The following A1CF variants were observed in gnomAD, a reference collection of about 807,000 sequenced individuals.
A1CF encodes the protein APOBEC-1 stimulating protein.
A neutral mutation model predicts 68.9 loss-of-function variants in A1CF; 48 were observed. That is an observed-to-expected ratio of 0.70 (90% CI 0.55 to 0.89). The LOEUF (loss-of-function observed/expected upper bound fraction) is 0.89. Among genes scored for constraint, A1CF ranks in the 40% least tolerant of loss-of-function variants. The pLI, the probability that A1CF is intolerant of heterozygous loss-of-function variation, is 0.00. For missense variants in A1CF, 653 were observed against 718.9 expected, an observed-to-expected ratio of 0.91 and a Z score of 1.05; for synonymous variants, 272 against 260.4, an observed-to-expected ratio of 1.04 and a Z score of -0.43.
chr10:50,820,529 T>A, intron 8 of A1CF, 23 bp downstream of exon 8: 1 of 1,605,532 alleles, frequency 6.2e-7, no homozygotes. Context: ...AATCTGCATA[T>A]TTTTTTCTTT....
chr10:50,820,705 G>T, intron 7 of A1CF, 56 bp from the exon 8 acceptor site: 1 of 1,458,642 alleles, frequency 6.9e-7, no homozygotes. Context: ...CCTTGAAAGT[G>T]ATATATTTTA....
intron 1 of A1CF, among the ~76,000 whole-genome samples, chr10:50,868,907 T>C (rs1438953263): frequency 6.6e-6 from 1 of 152,158 alleles, no homozygotes; most frequent in Non-Finnish European, 1.5e-5. Context: ...ATACCATATG[T>C]TCTCACATAT....
At chr10:50,836,675 G>A (rs1410521118) in intron 5 of A1CF, among the ~76,000 whole-genome samples, 2 of 144,366 alleles carry the variant, frequency 1.4e-5, no homozygotes, top group African/African-American at 2.6e-5. Context: ...ATCTCCTAAT[G>A]CTATCCCTCC....
intron 6 of A1CF, among the ~76,000 whole-genome samples, chr10:50,833,866 G>T (rs1016333609): frequency 6.6e-6 from 1 of 152,146 alleles, no homozygotes; most frequent in Admixed American, 6.6e-5. Context: ...ATCCAGCTGA[G>T]TGAAATCCAC....
Position 50,802,379 on chromosome 10 carries a change from T to C in A1CF, c.*4350A>G, listed in dbSNP as rs769767018. On this transcript the variant is annotated 3_prime_UTR_variant, in exon 13 of 13. Coordinates refer to ENST00000373997, the MANE Select transcript of A1CF (RefSeq NM_014576.4). ...TTTACTGCCTAGTTTCTTCCTGTCT[T>C]CCAATAAGTATATACAAAATCTTAA... 5 of 152,206 alleles carry C rather than the reference T, an allele frequency of 3.3e-5. No homozygotes were observed. Among genetic ancestry groups the C allele is most frequent in the Non-Finnish European group, 5.9e-5 (4 of 68,018 alleles). 9.4% of individuals were successfully genotyped at this position (152,206 alleles called of 1,614,324 possible). A position where few individuals can be genotyped will look rare whatever the true frequency, so the allele number is the denominator to read the frequency against.
At chr10:50,874,130 G>C (rs1291268529) in intron 1 of A1CF, among the ~76,000 whole-genome samples, 1 of 152,040 alleles carries the variant, frequency 6.6e-6, no homozygotes, top group East Asian at 1.9e-4. Flanking sequence ...CTCATTAAAG[G>C]AAAAATGTTA....
intron 8 of A1CF, among the ~76,000 whole-genome samples, chr10:50,820,082 A>G (rs1838575710): frequency 1.3e-5 from 2 of 152,210 alleles, no homozygotes; most frequent in South Asian, 4.1e-4. Flanking sequence ...GTGAGGATAT[A>G]GAAGCTTCCC....
Position 50,825,290 on chromosome 10 carries a change from A to G in A1CF, c.769+2841T>C, listed in dbSNP as rs576258757. On this transcript the variant is annotated intron_variant, in intron 7 of 12. Coordinates refer to ENST00000373997, the MANE Select transcript of A1CF (RefSeq NM_014576.4). ...GAGACTGGGAAATTCTCAGTTATGAAAGGATATTACTACTATGATAACCCT... is the reference window on the plus strand; with the variant it reads ...GAGACTGGGAAATTCTCAGTTATGAGAGGATATTACTACTATGATAACCCT... 9.9e-5 allele frequency among the ~76,000 whole-genome samples: 15 copies of G among 152,238 alleles called. No individual in the cohort carries two copies. In the South Asian group the frequency reaches 3.1e-3, roughly 32 times the overall value.
intron 2 of A1CF, chr10:50,862,986 A>G (rs1840814919): frequency 1.3e-5 from 2 of 152,208 alleles, no homozygotes; most frequent in Admixed American, 6.5e-5. Flanking sequence ...GTCATGCTGA[A>G]ATGACAAGTT....
At chr10:50,832,109 C>T (rs1839273617) in intron 6 of A1CF, among the ~76,000 whole-genome samples, 1 of 152,200 alleles carries the variant, frequency 6.6e-6, no homozygotes, top group Non-Finnish European at 1.5e-5. Context: ...GAGATTCCTG[C>T]ATTCCCATGT....
At chr10:50,882,238 C>A (rs1004504351) in intron 1 of A1CF, among the ~76,000 whole-genome samples, 4 of 151,962 alleles carry the variant, frequency 2.6e-5, no homozygotes, top group Non-Finnish European at 5.9e-5. Context: ...GAGTTCGAGA[C>A]CAGCCTAGCC....
chr10:50,848,152 G>A (rs2132477978), intron 3 of A1CF, among the ~76,000 whole-genome samples: 1 of 152,172 alleles, frequency 6.6e-6, no homozygotes, highest in South Asian at 2.1e-4. Flanking sequence ...GGAATCCAAG[G>A]CATAAAATAT....
chr10:50,836,937 C>A (rs1371105252), intron 5 of A1CF, among the ~76,000 whole-genome samples: 1 of 152,028 alleles, frequency 6.6e-6, no homozygotes, highest in Non-Finnish European at 1.5e-5. Context: ...AGTTGTCAAT[C>A]CTCACCGCTC....
chr10:50,866,721 C>G (rs1293385075), intron 1 of A1CF, among the ~76,000 whole-genome samples: 1 of 152,096 alleles, frequency 6.6e-6, no homozygotes, highest in Non-Finnish European at 1.5e-5. Flanking sequence ...CATGAAGAAC[C>G]AAGTCATGGA....
intron 3 of A1CF, chr10:50,850,697 G>A (rs1008541009): frequency 3.1e-6 from 5 of 1,613,922 alleles, no homozygotes; most frequent in Non-Finnish European, 3.4e-6. Context: ...ATGATGGACT[G>A]CAAAGCATTA....
chr10:50,878,891 G>A (rs1564538268), intron 1 of A1CF, among the ~76,000 whole-genome samples: 1 of 152,148 alleles, frequency 6.6e-6, no homozygotes, highest in East Asian at 1.9e-4. Flanking sequence ...TCTTTAATAA[G>A]TTAATTCCTT....
At chr10:50,853,078 T>C (rs985770352) in intron 3 of A1CF, among the ~76,000 whole-genome samples, 1 of 152,012 alleles carries the variant, frequency 6.6e-6, no homozygotes, top group Non-Finnish European at 1.5e-5. Context: ...AGAATGCATA[T>C]AAAGGAAAGT....
rs1337184843 is a variant in A1CF at position 50,836,077 on chromosome 10, G to C, written c.601C>G (p.Pro201Ala). ...CTTTGAGGAGGGGATTGCTAACCTG[G>C]TAGCAGTTTCCTCCTCGCCATGGCA... is the stretch of plus-strand genomic sequence containing the variant. ...AAAMARRKLL[P>A]GRIQLWGHGI... Residue 201 changes from proline (P) to alanine (A), a missense_variant, in exon 6 of 13, where the codon CCA becomes GCA. By Grantham distance (27) the Pro-to-Ala change is conservative. Coordinates refer to ENST00000373997, the MANE Select transcript of A1CF (RefSeq NM_014576.4). 6.2e-7 allele frequency: 1 copy of C among 1,605,352 alleles called. No homozygotes were observed.
intron 5 of A1CF, among the ~76,000 whole-genome samples, chr10:50,839,419 C>G (rs1589003839): frequency 6.6e-6 from 1 of 152,280 alleles, no homozygotes; most frequent in Admixed American, 6.5e-5. Flanking sequence ...TTTTGTAGCC[C>G]TTTCAAAGCA....
Sources: allele counts gnomAD v4.1 joint callset (sites outside exome capture counted in the v4.1 genomes callset), GRCh38; gene constraint gnomAD v4.1.1; transcripts MANE v1.5; gene names NCBI Gene and HGNC (gene_info 2026-07-23, HGNC 2026-07-21).